The following ZFC3H1 variants were observed in gnomAD, a reference collection of about 807,000 sequenced individuals.
ZFC3H1 encodes the protein zinc finger C3H1-type containing, also known as zinc finger C3H1 domain-containing protein.
A neutral mutation model predicts 243.7 loss-of-function variants in ZFC3H1; 71 were observed. That is an observed-to-expected ratio of 0.29 (90% CI 0.24 to 0.36). The LOEUF (loss-of-function observed/expected upper bound fraction) is 0.36, where lower values mean the gene tolerates loss of function less well. Among genes scored for constraint, ZFC3H1 ranks in the 10% least tolerant of loss-of-function variants. The pLI, the probability that ZFC3H1 is intolerant of heterozygous loss-of-function variation, is 1.00. For synonymous variants in ZFC3H1, 838 were observed against 813.0 expected (o/e 1.03, Z -0.52); for missense variants, 1,966 against 2,317.1 (o/e 0.85, Z 3.11).
At chr12:71,616,462 T>C (rs185017332) in intron 27 of ZFC3H1, among the ~76,000 whole-genome samples, 1 of 152,180 alleles carries the variant, frequency 6.6e-6, no homozygotes, top group East Asian at 1.9e-4. Flanking sequence ...TCAAATAAGG[T>C]TGGGAAATAC....
At chr12:71,648,013 TA>T (rs1880770905) in intron 2 of ZFC3H1, among the ~76,000 whole-genome samples, 200 bp from the exon 3 acceptor site, 1 of 152,142 alleles carries the variant, frequency 6.6e-6, no homozygotes, top group Non-Finnish European at 1.5e-5. Context: ...TCCTCAAAGT[TA>T]TAAGGCAAAA....
At chr12:71,654,641 T>C (rs905347556) in intron 2 of ZFC3H1, among the ~76,000 whole-genome samples, 1 of 148,668 alleles carries the variant, frequency 6.7e-6, no homozygotes, top group African/African-American at 2.5e-5. Flanking sequence ...ACTTCCAAAC[T>C]AGCAAATGAA....
chr12:71,630,467 A>G (rs1880294813), intron 18 of ZFC3H1, 133 bp downstream of exon 18: 1 of 1,226,968 alleles, frequency 8.2e-7, no homozygotes. Flanking sequence ...GGATACAGCA[A>G]ATCTAGATAA....
In ZFC3H1 at chr12:71,627,703, A is replaced by T; in HGVS notation, c.4130+48T>A. The T allele has an allele frequency of 2.6e-6, 4 of 1,537,506 alleles. No homozygotes were observed. The South Asian group carries it at 5.0e-5, about 19-fold the overall frequency. On this transcript the variant is annotated intron_variant, in intron 21 of 34. Coordinates refer to ENST00000378743, the MANE Select transcript of ZFC3H1 (RefSeq NM_144982.5). Reference sequence around the variant, plus strand: ...CATAGGTAAAAAAACCTCAAACATAAAAATATAAATGTGCAACTGTTTACA... The same window carrying T: ...CATAGGTAAAAAAACCTCAAACATATAAATATAAATGTGCAACTGTTTACA...
At chr12:71,657,745 T>C (rs552270967) in intron 1 of ZFC3H1, among the ~76,000 whole-genome samples, 46 of 152,216 alleles carry the variant, frequency 3.0e-4, no homozygotes, top group Non-Finnish European at 6.2e-4. Context: ...TCCCAGCACT[T>C]TGGGAGGCCG....
chr12:71,662,475 A>G (rs1198436059), intron 1 of ZFC3H1, among the ~76,000 whole-genome samples: 5 of 150,446 alleles, frequency 3.3e-5, no homozygotes, highest in Admixed American at 1.3e-4. Flanking sequence ...TAAAGACACC[A>G]GAGTTGTTTT....
intron 12 of ZFC3H1, among the ~76,000 whole-genome samples, chr12:71,633,701 T>G (rs1880383231): frequency 6.6e-6 from 1 of 152,162 alleles, no homozygotes; most frequent in Non-Finnish European, 1.5e-5. Flanking sequence ...TGAAAACTTG[T>G]AGTAAATATT....
chr12:71,619,917 C>T lies in ZFC3H1; in HGVS notation c.5049+9G>A, dbSNP rs1226935987. On this transcript the variant is annotated intron_variant, in intron 26 of 34. Coordinates refer to ENST00000378743, the MANE Select transcript of ZFC3H1 (RefSeq NM_144982.5). ...AGCATCATATTTAAGAATTATGCAT[C>T]ATTTTTACCTGTAAGATGAAGAATT... 17 of 1,570,030 alleles carry T rather than the reference C, an allele frequency of 1.1e-5. No individual in the cohort carries two copies. The highest frequency in any genetic ancestry group is 1.4e-5 in the African/African-American group (1 of 72,746).
intron 16 of ZFC3H1, 41 bp from the exon 17 acceptor site, chr12:71,630,995 A>G: frequency 6.8e-7 from 1 of 1,466,212 alleles, no homozygotes; most frequent in Non-Finnish European, 9.1e-7. Context: ...TGCCCAACAA[A>G]CATTCCTCAG....
Position 71,626,432 on chromosome 12 carries a change from G to C in ZFC3H1, c.4145C>G (p.Ser1382Cys). The C allele has an allele frequency of 6.2e-7, 1 of 1,613,436 alleles. No homozygotes were observed. The highest frequency in any genetic ancestry group is 8.5e-7 in the Non-Finnish European group (1 of 1,179,798). Residue 1382 changes from serine (S) to cysteine (C), a missense_variant, in exon 22 of 35, where the codon TCC becomes TGC. By Grantham distance (112) the Ser-to-Cys change is moderately radical. Coordinates refer to ENST00000378743, the MANE Select transcript of ZFC3H1 (RefSeq NM_144982.5). ...LNQNEGECSE[S>C]LDSALNVLAR... Reference sequence around the variant, plus strand: ...CAGAACATTTAAAGCAGAATCCAAGGATTCTGAGCACTCCCTGTATATATA... The same window carrying C: ...CAGAACATTTAAAGCAGAATCCAAGCATTCTGAGCACTCCCTGTATATATA...
Position 71,647,743 on chromosome 12 carries a change from T to A in ZFC3H1, c.1080+6A>T. 6.8e-7 allele frequency: 1 copy of A among 1,467,878 alleles called. No individual in the cohort carries two copies. Among genetic ancestry groups the A allele is most frequent in the Non-Finnish European group, 9.3e-7 (1 of 1,077,498 alleles). The allele number at this position is 1,467,878 out of a possible 1,614,324, so 90.9% of individuals were successfully genotyped here. On this transcript the variant is annotated splice_donor_region_variant and intron_variant, in intron 3 of 34. Transcript: ENST00000378743. ...GAGATGATAGTCTCACAAAGCAGTA[T>A]CTTACCTTTTCAGACAGAATATCTG...
At position 71,632,107 on chromosome 12, in the gene ZFC3H1, A is replaced by G. The variant is rs1173074575; in HGVS notation, c.3225T>C (p.Asn1075=). ...GAAAAAGTTCTGGTTTTTCTACAGT[A>G]TTTTTATTAAGTTTGTTTATGCATT... ...NKECINKLNK[N]TVEKPELFLG... Residue 1075 remains asparagine, a synonymous_variant, in exon 15 of 35, where the codon AAT becomes AAC. Coordinates refer to ENST00000378743, the MANE Select transcript of ZFC3H1 (RefSeq NM_144982.5). 1.2e-6 allele frequency: 2 copies of G among 1,610,518 alleles called. No homozygotes were observed. The highest frequency in any genetic ancestry group is 8.5e-7 in the Non-Finnish European group (1 of 1,179,062).
intron 22 of ZFC3H1, among the ~76,000 whole-genome samples, chr12:71,625,325 T>G (rs1880136668): frequency 6.6e-6 from 1 of 152,218 alleles, no homozygotes; most frequent in Non-Finnish European, 1.5e-5. Flanking sequence ...CAAGTTCAGG[T>G]GATAAAAGTT....
chr12:71,644,320 T>G lies in ZFC3H1; in HGVS notation c.1280-2A>C. On this transcript the variant is annotated splice_acceptor_variant, in intron 4 of 34. Coordinates refer to ENST00000378743, the MANE Select transcript of ZFC3H1 (RefSeq NM_144982.5). LOFTEE classifies it high-confidence loss of function. ...GCTGCTTCCTCAATGCTTGTTTAGC[T>G]TTAAATAAAAAACACATAAACATTA... The G allele has an allele frequency of 1.2e-6, 2 of 1,610,454 alleles. No homozygotes were observed. The highest frequency in any genetic ancestry group is 8.5e-7 in the Non-Finnish European group (1 of 1,179,314).
Position 71,663,351 on chromosome 12 carries a change from G to A in ZFC3H1, c.260C>T (p.Ser87Leu), listed in dbSNP as rs1351628457. 6.2e-7 allele frequency: 1 copy of A among 1,613,182 alleles called. No individual in the cohort carries two copies. The highest frequency in any genetic ancestry group is 2.2e-5 in the East Asian group (1 of 44,872). The change falls in exon 1 of 35, where the codon TCA becomes TTA. Residue 87 changes from serine to leucine, a missense_variant. Around this residue, in one of 4 missense-constraint regions of ZFC3H1, gnomAD observed 484 missense variants for 449.7 expected, o/e 1.08. Transcript: ENST00000378743. ...SSSQQQLRNFSRSRHASERGH... is the reference protein window; with the variant it reads ...SSSQQQLRNFLRSRHASERGH... ...CCGCTCAGACGCGTGCCGCGAGCGTGAGAAATTCCTCAGCTGCTGCTGAGA... is the reference window on the plus strand; with the variant it reads ...CCGCTCAGACGCGTGCCGCGAGCGTAAGAAATTCCTCAGCTGCTGCTGAGA...
At chr12:71,655,111 A>G (rs963728371) in intron 2 of ZFC3H1, among the ~76,000 whole-genome samples, 5 of 152,164 alleles carry the variant, frequency 3.3e-5, no homozygotes, top group African/African-American at 1.2e-4. Flanking sequence ...TAATCTATAA[A>G]TTCATTTCAA....
chr12:71,630,917 G>C lies in ZFC3H1; in HGVS notation c.3508C>G (p.Leu1170Val). Residue 1170 changes from leucine to valine, a missense_variant, in exon 17 of 35, where the codon CTG becomes GTG. This residue lies in a region of ZFC3H1 where 1,383 missense variants were observed against 1,723.7 expected (regional missense o/e 0.80). Transcript: ENST00000378743. ...PYYRTKEKLPLSSVSYSNMIE... is the reference protein window; with the variant it reads ...PYYRTKEKLPVSSVSYSNMIE... ...ATATTACTGTATGATACTGAGCTCA[G>C]GGGAAGTTTTTCCTTGGTTCGATAA... The C allele has an allele frequency of 6.2e-7, 1 of 1,612,340 alleles. No homozygotes were observed. The highest frequency in any genetic ancestry group is 8.5e-7 in the Non-Finnish European group (1 of 1,178,846).
rs369715491 is a variant in ZFC3H1, at chr12:71,663,201, C to T, written c.410G>A (p.Ser137Asn). ...GCGGAAACGGTCCAAGGCGAGGTGGCTCCGCTCCCAGAAAGACGGCCGGGG... is the reference window on the plus strand; with the variant it reads ...GCGGAAACGGTCCAAGGCGAGGTGGTTCCGCTCCCAGAAAGACGGCCGGGG... ...SSPRPSFWER[S>N]HLALDRFRFR... Residue 137 changes from serine (S) to asparagine (N), a missense_variant, in exon 1 of 35, where the codon AGC (serine) becomes AAC (asparagine). By Grantham distance (46) the Ser-to-Asn change is conservative. This residue lies in a region of ZFC3H1 where 484 missense variants were observed against 449.7 expected (regional missense o/e 1.08). Coordinates refer to ENST00000378743, the MANE Select transcript of ZFC3H1 (RefSeq NM_144982.5). The T allele has an allele frequency of 6.2e-7, 1 of 1,614,004 alleles. No homozygotes were observed. The highest frequency in any genetic ancestry group is 8.5e-7 in the Non-Finnish European group (1 of 1,180,048).
At position 71,644,441 on chromosome 12, in the gene ZFC3H1, T is replaced by C. The variant is rs1199659331; in HGVS notation, c.1280-123A>G. On this transcript the variant is annotated intron_variant, in intron 4 of 34. Coordinates refer to ENST00000378743, the MANE Select transcript of ZFC3H1 (RefSeq NM_144982.5). Reference sequence around the variant, plus strand: ...ATGCTCCTAAGTTGTTTATATAAGATTGTCTTCCATTTTAGGGCCCTGTAA... The same window carrying C: ...ATGCTCCTAAGTTGTTTATATAAGACTGTCTTCCATTTTAGGGCCCTGTAA... 30 of 1,070,228 alleles carry C rather than the reference T, an allele frequency of 2.8e-5. 1 individual carries two copies. Among genetic ancestry groups the C allele is most frequent in the South Asian group, 1.7e-4 (10 of 57,416 alleles). The allele number at this position is 1,070,228 out of a possible 1,614,324, so 66.3% of individuals were successfully genotyped here.
Sources: gnomAD v4.1 joint callset for allele counts (sites outside exome capture counted in the v4.1 genomes callset) on GRCh38, gnomAD v4.1.1 for gene constraint, gnomAD v4.1.1 regional missense constraint, MANE v1.5 for transcripts, NCBI Gene and HGNC (gene_info 2026-07-23, HGNC 2026-07-21) for gene names.